Variants in RRN3 observed in about 807,000 individuals in gnomAD.
RRN3 encodes RNA polymerase I transcription factor RRN3.
In RRN3, 38 loss-of-function variants were observed where a neutral mutation model predicts 82.3. The observed-to-expected ratio is 0.46, with a 90% confidence interval of 0.36 to 0.61. The LOEUF is 0.61. Among genes scored for constraint, RRN3 ranks in the 20% least tolerant of loss-of-function variants. The probability of loss-of-function intolerance (pLI) is 0.00; values close to 1 mark genes in which losing one functional copy is unlikely to be tolerated. For missense variants in RRN3, 726 were observed against 793.1 expected (o/e 0.92, Z 1.02); for synonymous variants, 284 against 284.3 (o/e 1.00, Z 0.01).
At chr16:15,089,664 G>T (rs1473766102) in intron 3 of RRN3, among the ~76,000 whole-genome samples, 2 of 151,662 alleles carry the variant, frequency 1.3e-5, no homozygotes, top group Non-Finnish European at 2.9e-5. Context: ...GCTGGCGGTG[G>T]TGGCGGGCGA....
At chr16:15,069,155 C>T (rs1360784928) in intron 14 of RRN3, among the ~76,000 whole-genome samples, 1 of 151,996 alleles carries the variant, frequency 6.6e-6, no homozygotes, top group Admixed American at 6.5e-5. Context: ...GCTGTTAACC[C>T]AAGGAGACTG....
intron 8 of RRN3, among the ~76,000 whole-genome samples, chr16:15,081,902 T>C (rs1163399650): frequency 6.6e-6 from 1 of 152,228 alleles, no homozygotes; most frequent in East Asian, 1.9e-4. Context: ...CAGCATTTGT[T>C]GAAATGACTA....
At chr16:15,087,282 G>A (rs532278198) in intron 3 of RRN3, among the ~76,000 whole-genome samples, 2 of 152,304 alleles carry the variant, frequency 1.3e-5, no homozygotes, top group East Asian at 3.9e-4. Context: ...CATGGTGCCT[G>A]ACACTCCACA....
In RRN3 at chr16:15,071,148, A is replaced by G; in HGVS notation, c.1232T>C (p.Leu411Ser). 1 of 1,609,194 alleles carries G rather than the reference A, an allele frequency of 6.2e-7. No homozygotes were observed. Among genetic ancestry groups the G allele is most frequent in the Non-Finnish European group, 8.5e-7 (1 of 1,178,892 alleles). The change falls in exon 13 of 18, where the codon TTG (leucine) becomes TCG (serine). Residue 411 changes from leucine (L) to serine (S), a missense_variant. By Grantham distance (145) the Leu-to-Ser change is moderately radical. This residue lies in a region of RRN3 where 81 missense variants were observed against 156.4 expected (regional missense o/e 0.52). Transcript: ENST00000198767. ...AAGAGGAATAAATTTAGCTCTTGCC[A>G]AAAAGCTTCCAATATAATTTCCAGC... ...QAAGNYIGSFLARAKFIPLIT... is the reference protein window; with the variant it reads ...QAAGNYIGSFSARAKFIPLIT...
At chr16:15,073,380 C>T (rs1336839991) in intron 11 of RRN3, among the ~76,000 whole-genome samples, 3 of 152,120 alleles carry the variant, frequency 2.0e-5, no homozygotes, top group Non-Finnish European at 4.4e-5. Flanking sequence ...CCGCTTGAGC[C>T]CAGGAGGTCA....
intron 9 of RRN3, 25 bp from the exon 10 acceptor site, chr16:15,076,675 G>T (rs768130679): frequency 7.8e-5 from 113 of 1,453,082 alleles, no homozygotes; most frequent in Non-Finnish European, 1.3e-5. Context: ...GAAAAAAAAA[G>T]AATAAAAGGA....
chr16:15,064,165 TTTTTG>T (rs990062977), intron 16 of RRN3, among the ~76,000 whole-genome samples: 14 of 152,000 alleles, frequency 9.2e-5, no homozygotes, highest in Non-Finnish European at 1.8e-4. Context: ...GATAAATCGC[TTTTTG>T]TTTTTTTTTT....
chr16:15,067,273 C>T (rs1484253555), intron 15 of RRN3, among the ~76,000 whole-genome samples: 1 of 150,766 alleles, frequency 6.6e-6, no homozygotes, highest in Admixed American at 6.7e-5. Flanking sequence ...TTCAATTCTC[C>T]AATTCGCTTT....
rs147815523 is a variant in RRN3, at chr16:15,086,164, G to T, written c.437C>A (p.Pro146Gln). ...LVSAQTVFLR[P>Q]CLSMIASHFV... Reference sequence around the variant, plus strand: ...ATGGGAAGCAATCATGCTGAGACACGGTCTGAGGAAAACAGTCTGTGCTGA... The same window carrying T: ...ATGGGAAGCAATCATGCTGAGACACTGTCTGAGGAAAACAGTCTGTGCTGA... The change falls in exon 5 of 18, where the codon CCG becomes CAG. Residue 146 changes from proline (P) to glutamine (Q), a missense_variant. Pro to Gln is a moderately conservative substitution (Grantham distance 76). Around this residue, in one of 4 missense-constraint regions of RRN3, gnomAD observed 344 missense variants for 394.5 expected, o/e 0.87. Transcript: ENST00000198767. The T allele has an allele frequency of 3.7e-6, 6 of 1,607,102 alleles. No homozygotes were observed. Among genetic ancestry groups the T allele is most frequent in the South Asian group, 1.1e-5 (1 of 90,170 alleles).
chr16:15,073,192 A>G, intron 11 of RRN3, 112 bp from the exon 12 acceptor site: 1 of 1,238,248 alleles, frequency 8.1e-7, no homozygotes, highest in Non-Finnish European at 1.1e-6. Flanking sequence ...CCAGCCAAGC[A>G]CAGTGGCTCC....
At chr16:15,092,246 T>C (rs1290759924) in intron 2 of RRN3, among the ~76,000 whole-genome samples, 1 of 152,194 alleles carries the variant, frequency 6.6e-6, no homozygotes, top group African/African-American at 2.4e-5. Flanking sequence ...TAAAAGATGC[T>C]TCGTAAATAA....
intron 14 of RRN3, among the ~76,000 whole-genome samples, chr16:15,068,892 A>G (rs536586731): frequency 6.6e-6 from 1 of 152,354 alleles, no homozygotes; most frequent in Non-Finnish European, 1.5e-5. Flanking sequence ...CTTGTACTTA[A>G]GTATATTTTC....
chr16:15,075,774 G>A (rs2045427179), intron 10 of RRN3, among the ~76,000 whole-genome samples: 1 of 152,034 alleles, frequency 6.6e-6, no homozygotes, highest in African/African-American at 2.4e-5. Flanking sequence ...TCTGCTCCTG[G>A]TGCCCACCAT....
At chr16:15,063,651 G>A (rs1016984492) in intron 16 of RRN3, among the ~76,000 whole-genome samples, 3 of 141,914 alleles carry the variant, frequency 2.1e-5, no homozygotes, top group Non-Finnish European at 3.0e-5. Flanking sequence ...CTTGCAGCGA[G>A]CCGAGATCGC....
chr16:15,080,872 T>C (rs1162547237), intron 8 of RRN3, among the ~76,000 whole-genome samples: 1 of 152,032 alleles, frequency 6.6e-6, no homozygotes, highest in East Asian at 1.9e-4. Flanking sequence ...TACATGTTTT[T>C]AGGGTTCAAT....
chr16:15,060,162 T>G lies in RRN3; in HGVS notation c.*1582A>C, dbSNP rs1209585056. 4.7e-6 allele frequency: 2 copies of G among 423,420 alleles called. No individual in the cohort carries two copies. The highest frequency in any genetic ancestry group is 9.3e-6 in the Non-Finnish European group (2 of 214,204). 26.2% of individuals were successfully genotyped at this position (423,420 alleles called of 1,614,324 possible). On this transcript the variant is annotated 3_prime_UTR_variant, in exon 18 of 18. Coordinates refer to ENST00000198767, the MANE Select transcript of RRN3 (RefSeq NM_018427.5). ...AAACAGACTTATATGTAAATGTCTTTCTACATTAAAACTACTTCCCAACCC... is the reference window on the plus strand; with the variant it reads ...AAACAGACTTATATGTAAATGTCTTGCTACATTAAAACTACTTCCCAACCC...
chr16:15,064,504 A>G (rs932888173), intron 16 of RRN3, among the ~76,000 whole-genome samples: 2 of 152,162 alleles, frequency 1.3e-5, no homozygotes, highest in African/African-American at 4.8e-5. Context: ...ATCCTGTGCA[A>G]CAGAATGGTA....
intron 3 of RRN3, among the ~76,000 whole-genome samples, chr16:15,088,423 G>GGC (rs999250879): frequency 1.3e-5 from 2 of 151,894 alleles, no homozygotes; most frequent in African/African-American, 4.8e-5. Flanking sequence ...GCCATGATCG[G>GGC]GCCCATTACA....
intron 3 of RRN3, among the ~76,000 whole-genome samples, chr16:15,088,439 G>A (rs1693243540): frequency 6.6e-6 from 1 of 152,278 alleles, no homozygotes; most frequent in East Asian, 1.9e-4. Context: ...TTACACTCCA[G>A]CCCGGGTGAC....
Sources: gnomAD v4.1 joint callset for allele counts (sites outside exome capture counted in the v4.1 genomes callset) on GRCh38, gnomAD v4.1.1 for gene constraint, gnomAD v4.1.1 regional missense constraint, MANE v1.5 for transcripts, NCBI Gene and HGNC (gene_info 2026-07-23, HGNC 2026-07-21) for gene names.